TMEM63A: variants seen among roughly 807,000 people sequenced by gnomAD.
TMEM63A encodes mechanosensitive cation channel TMEM63A.
In TMEM63A, 76 loss-of-function variants were observed where a neutral mutation model predicts 100.6. The ratio of observed to expected loss-of-function variants is 0.76; its 90% CI spans 0.63 to 0.91. The LOEUF (loss-of-function observed/expected upper bound fraction) is 0.91. Ranked by LOEUF, TMEM63A falls within the 40% of genes least tolerant of loss-of-function variation. TMEM63A has a pLI of 0.00. For missense variants in TMEM63A, 876 were observed against 1,008.8 expected (o/e 0.87, Z 1.78); for synonymous variants, 401 against 401.1 (o/e 1.00, Z 0.00).
At chr1:225,842,337 T>TCTC (rs751004765), downstream of TMEM63A, 1 of 1,502,136 alleles carries the variant, frequency 6.7e-7, no homozygotes, top group Non-Finnish European at 9.3e-7. Context: ...CAGGCCTGAG[T>TCTC]CTCTCCCTTG....
In TMEM63A at chr1:225,866,833, C is replaced by T. The variant is rs1406192445; in HGVS notation, c.567-151G>A. The T allele has an allele frequency of 9.6e-6, 7 of 732,846 alleles. 1 individual carries two copies. In the South Asian group the frequency reaches 1.2e-4, roughly 12 times the overall value. 45.4% of individuals were successfully genotyped at this position (732,846 alleles called of 1,614,324 possible). On this transcript the variant is annotated intron_variant, in intron 8 of 24. Coordinates refer to ENST00000366835, the MANE Select transcript of TMEM63A (RefSeq NM_014698.3). ...CCTCCCACAGAGGTTGTGTGGCCAG[C>T]ACCCCTCAGCCCACAGTGAATACTT...
Position 225,867,179 on chromosome 1 carries a change from G to C in TMEM63A, c.515-16C>G. ...GGGTCTTTGTCTGCAGAGAAGCACAGATACTTAGTTCCAGGGTCATGTGGG... is the reference window on the plus strand; with the variant it reads ...GGGTCTTTGTCTGCAGAGAAGCACACATACTTAGTTCCAGGGTCATGTGGG... On this transcript the variant is annotated splice_polypyrimidine_tract_variant and intron_variant, in intron 7 of 24. Coordinates refer to ENST00000366835, the MANE Select transcript of TMEM63A (RefSeq NM_014698.3). This position sits in a 1 kb window ranked among gnomAD's most constrained non-coding sequence, Gnocchi z 4.6. The C allele has an allele frequency of 6.2e-7, 1 of 1,614,086 alleles. No individual in the cohort carries two copies. Among genetic ancestry groups the C allele is most frequent in the Non-Finnish European group, 8.5e-7 (1 of 1,179,970 alleles).
chr1:225,842,262 C>T (rs533840890), downstream of TMEM63A: 60 of 883,004 alleles, frequency 6.8e-5, no homozygotes, highest in Non-Finnish European at 1.1e-4. Context: ...TGGCTTCCTG[C>T]ACACAGCCCC....
chr1:225,843,639 G>A (rs534701117), downstream of TMEM63A, among the ~76,000 whole-genome samples: 36 of 152,298 alleles, frequency 2.4e-4, no homozygotes, highest in East Asian at 4.6e-3. Context: ...CTCTGGCCCC[G>A]GGTTACAGGG....
chr1:225,848,766 T>A, intron 22 of TMEM63A, 131 bp downstream of exon 22: 1 of 885,776 alleles, frequency 1.1e-6, no homozygotes, highest in South Asian at 1.6e-5. Context: ...GCCTTTCCCA[T>A]GGAGAAGCAG....
intron 14 of TMEM63A, 140 bp from the exon 15 acceptor site, chr1:225,859,489 G>C: frequency 5.8e-6 from 6 of 1,028,278 alleles, no homozygotes; most frequent in Non-Finnish European, 8.4e-6. Flanking sequence ...ACTACAGAAA[G>C]ACCAAATCTT....
At chr1:225,869,409 G>C (rs1670378823) in intron 6 of TMEM63A, among the ~76,000 whole-genome samples, 2 of 152,168 alleles carry the variant, frequency 1.3e-5, no homozygotes, top group Non-Finnish European at 2.9e-5. Context: ...TTCCAGACCA[G>C]AGTTGACTGT....
intron 2 of TMEM63A, among the ~76,000 whole-genome samples, chr1:225,878,517 C>A (rs1047619138): frequency 6.6e-6 from 1 of 152,192 alleles, no homozygotes; most frequent in Non-Finnish European, 1.5e-5. Context: ...CCTGAGGCTC[C>A]TGGCGCCCCT....
intron 15 of TMEM63A, among the ~76,000 whole-genome samples, chr1:225,857,223 C>T (rs1255594271): frequency 6.6e-6 from 1 of 152,308 alleles, no homozygotes; most frequent in East Asian, 1.9e-4. Flanking sequence ...TATATTTGTA[C>T]AGCTCCTCAC....
rs1259951919 is a variant in TMEM63A, at chr1:225,851,234, C to T, written c.1904-1155G>A. 2.6e-5 allele frequency among the ~76,000 whole-genome samples: 4 copies of T among 152,316 alleles called. 1 individual carries two copies. The highest frequency in any genetic ancestry group is 2.1e-4 in the South Asian group (1 of 4,826). On this transcript the variant is annotated intron_variant, in intron 20 of 24. Coordinates refer to ENST00000366835, the MANE Select transcript of TMEM63A (RefSeq NM_014698.3). The stretch of plus-strand genomic sequence containing the variant: ...CCCACACCCCTGGCCTTCTCCCACC[C>T]GGCTGATCCCTGCCCTCATCACAGT...
rs756349614 is a variant in TMEM63A, at chr1:225,852,788, G to A, written c.1798-19C>T. On this transcript the variant is annotated intron_variant, in intron 19 of 24. Transcript: ENST00000366835. ...CCTGGTTCTGGGAGGAGGAGGTGGT[G>A]AGGAGCTCATGGACTTGTTCCACCT... 1.4e-5 allele frequency: 22 copies of A among 1,608,266 alleles called. No individual in the cohort carries two copies. The highest frequency in any genetic ancestry group is 4.0e-5 in the African/African-American group (3 of 74,822).
In TMEM63A at chr1:225,847,112, G is replaced by A. The variant is rs1174065240; in HGVS notation, c.2352C>T (p.Ser784=). The A allele has an allele frequency of 1.2e-5, 19 of 1,613,790 alleles. No homozygotes were observed. The Admixed American group carries it at 1.3e-4, about 11-fold the overall frequency. ...CCAAGCACTGTCCAGGGATAGTCCCGCTGATGTTGTGGATGGCACCATAGG... is the reference window on the plus strand; with the variant it reads ...CCAAGCACTGTCCAGGGATAGTCCCACTGATGTTGTGGATGGCACCATAGG... ...QQTYGAIHNI[S]GTIPGQCLAQ... is the part of the protein sequence containing the mutation. Residue 784 remains serine, a synonymous_variant, in exon 24 of 25, where the codon AGC becomes AGT. Coordinates refer to ENST00000366835, the MANE Select transcript of TMEM63A (RefSeq NM_014698.3).
At chr1:225,852,502 G>A (rs989425102) in intron 20 of TMEM63A, among the ~76,000 whole-genome samples, 162 bp downstream of exon 20, 1 of 152,122 alleles carries the variant, frequency 6.6e-6, no homozygotes, top group African/African-American at 2.4e-5. Flanking sequence ...AGAAAGAAAT[G>A]AGTGAAATCT....
chr1:225,869,094 G>A (rs1421203760), intron 6 of TMEM63A, among the ~76,000 whole-genome samples: 2 of 152,228 alleles, frequency 1.3e-5, no homozygotes, highest in African/African-American at 4.8e-5. Flanking sequence ...AGATGTCAGC[G>A]TGGGCTTTGC....
intron 13 of TMEM63A, chr1:225,861,285 C>A: frequency 4.1e-6 from 1 of 243,362 alleles, no homozygotes; most frequent in Non-Finnish European, 7.9e-6. Flanking sequence ...TCCCCCTCCA[C>A]CCTGCCTGTT....
chr1:225,862,695 G>A lies in TMEM63A; in HGVS notation c.827+76C>T, dbSNP rs770944655. ...GAGAAGGAGGGGTCCAGGGCCTCCC[G>A]CCTCCCTTCCTAGCTGGGAGATGCG... On this transcript the variant is annotated intron_variant, in intron 11 of 24. Transcript: ENST00000366835. This position sits in a 1 kb window ranked among gnomAD's most constrained non-coding sequence, Gnocchi z 5.1. The A allele has an allele frequency of 5.5e-5, 89 of 1,608,080 alleles. No homozygotes were observed. The African/African-American group carries it at 5.6e-4, about 10-fold the overall frequency.
intron 10 of TMEM63A, 194 bp from the exon 11 acceptor site, chr1:225,863,045 G>A (rs1460694665): frequency 3.6e-5 from 22 of 608,790 alleles, no homozygotes; most frequent in Non-Finnish European, 6.4e-5. Context: ...ATACAAAGAG[G>A]GCTTTTGTTT....
chr1:225,844,356 C>G, downstream of TMEM63A: 1 of 1,321,838 alleles, frequency 7.6e-7, no homozygotes, highest in South Asian at 1.2e-5. Context: ...GCCTGTGACA[C>G]GAGGATACCA....
At chr1:225,843,728 T>C (rs895097399), downstream of TMEM63A, among the ~76,000 whole-genome samples, 5 of 152,064 alleles carry the variant, frequency 3.3e-5, no homozygotes, top group Admixed American at 2.0e-4. Flanking sequence ...AGGGTGGAAA[T>C]GGTGGTCGTG....
Sources: gnomAD v4.1 joint callset for allele counts (sites outside exome capture counted in the v4.1 genomes callset) on GRCh38, gnomAD v4.1.1 for gene constraint, Gnocchi (gnomAD v3.1) non-coding constraint, MANE v1.5 for transcripts, NCBI Gene and HGNC (gene_info 2026-07-23, HGNC 2026-07-21) for gene names.